The following THADA variants were observed in gnomAD, a reference collection of about 807,000 sequenced individuals.
The protein encoded by THADA is THADA armadillo repeat containing.
In THADA, 213 loss-of-function variants were observed where a neutral mutation model predicts 219.8. The observed-to-expected ratio is 0.97, with a 90% CI of 0.87 to 1.09. The LOEUF (loss-of-function observed/expected upper bound fraction) is 1.09. Ranked by LOEUF, THADA falls within the 50% of genes least tolerant of loss-of-function variation. The pLI is 0.00. For missense variants in THADA, 2,956 were observed against 2,311.3 expected, an observed-to-expected ratio of 1.28 and a Z score of -5.72; for synonymous variants, 1,018 against 828.9, an observed-to-expected ratio of 1.23 and a Z score of -3.92.
chr2:43,236,185 G>A (rs1319918711), intron 36 of THADA, among the ~76,000 whole-genome samples: 2 of 152,214 alleles, frequency 1.3e-5, no homozygotes, highest in Non-Finnish European at 1.5e-5. Flanking sequence ...AAAGGGAAGA[G>A]CTGGTGTGAT....
intron 19 of THADA, among the ~76,000 whole-genome samples, chr2:43,550,878 T>C (rs958579545): frequency 6.6e-6 from 1 of 152,240 alleles, no homozygotes; most frequent in African/African-American, 2.4e-5. Context: ...GTAATCCCAA[T>C]GCTTTAAGAG....
chr2:43,400,911 G>A (rs1674753696), intron 28 of THADA, among the ~76,000 whole-genome samples: 1 of 152,152 alleles, frequency 6.6e-6, no homozygotes, highest in East Asian at 1.9e-4. Context: ...TTGATAATAT[G>A]AAGGCAAAGA....
chr2:43,451,768 C>T (rs755331394), intron 26 of THADA, among the ~76,000 whole-genome samples: 2 of 152,152 alleles, frequency 1.3e-5, no homozygotes, highest in Non-Finnish European at 2.9e-5. Context: ...ACTAAACATG[C>T]CAACAGTTCA....
At chr2:43,386,207 T>C (rs1387082730) in intron 29 of THADA, among the ~76,000 whole-genome samples, 1 of 152,158 alleles carries the variant, frequency 6.6e-6, no homozygotes, top group African/African-American at 2.4e-5. Context: ...AGGTGAACAT[T>C]TGCAAGTACA....
chr2:43,344,915 G>A (rs1418599349), intron 29 of THADA, among the ~76,000 whole-genome samples: 1 of 152,238 alleles, frequency 6.6e-6, no homozygotes, highest in East Asian at 1.9e-4. Context: ...CAAAGCCTCT[G>A]TGAGGAGTAC....
intron 36 of THADA, among the ~76,000 whole-genome samples, chr2:43,233,605 T>C (rs528722695): frequency 1.7e-4 from 26 of 152,316 alleles, no homozygotes; most frequent in Admixed American, 6.5e-4. Context: ...TTTTTTGTTT[T>C]TGGACCCTTG....
chr2:43,352,279 A>C (rs1668361466), intron 29 of THADA, among the ~76,000 whole-genome samples: 1 of 152,146 alleles, frequency 6.6e-6, no homozygotes, highest in South Asian at 2.1e-4. Context: ...AAAATAATAC[A>C]TGGCGCAGTG....
intron 36 of THADA, among the ~76,000 whole-genome samples, chr2:43,248,187 A>AGG (rs1669426646): frequency 8.0e-6 from 1 of 125,180 alleles, no homozygotes; most frequent in Non-Finnish European, 1.6e-5. Flanking sequence ...AGAGAGAGAG[A>AGG]GAGAGAGAGA....
intron 30 of THADA, among the ~76,000 whole-genome samples, chr2:43,329,378 T>C (rs923143359): frequency 6.6e-6 from 1 of 152,204 alleles, no homozygotes; most frequent in East Asian, 1.9e-4. Context: ...ATCTTCTGGA[T>C]GCTGCCTGAG....
At chr2:43,289,949 C>A (rs114510001) in intron 34 of THADA, among the ~76,000 whole-genome samples, 44 of 148,808 alleles carry the variant, frequency 3.0e-4, no homozygotes, top group Non-Finnish European at 5.8e-4. Flanking sequence ...CTACCGTGCC[C>A]GGCCCTGGTG....
intron 29 of THADA, among the ~76,000 whole-genome samples, chr2:43,392,507 T>G (rs1318078588): frequency 6.6e-6 from 1 of 152,128 alleles, no homozygotes; most frequent in Non-Finnish European, 1.5e-5. Context: ...TTCATACAAC[T>G]AGCTGGCCGA....
intron 20 of THADA, among the ~76,000 whole-genome samples, chr2:43,542,769 C>CA (rs1238427812): frequency 1.3e-5 from 2 of 152,194 alleles, no homozygotes; most frequent in Non-Finnish European, 2.9e-5. Flanking sequence ...CCTGGGCTGT[C>CA]AAGGCAGGTT....
chr2:43,549,227 G>A lies in THADA; in HGVS notation c.3089C>T (p.Thr1030Ile), dbSNP rs772014934. The change falls in exon 20 of 38, where the codon ACT becomes ATT. Residue 1030 changes from threonine to isoleucine, a missense_variant. By Grantham distance (89) the Thr-to-Ile change is moderately conservative. Coordinates refer to ENST00000405975, the MANE Select transcript of THADA (RefSeq NM_022065.5). ...DLNASVVNIDTSTEIKGKEVK... is the reference protein window; with the variant it reads ...DLNASVVNIDISTEIKGKEVK... Reference sequence around the variant, plus strand: ...CAAGTTACCTTTGATTTCTGTAGAAGTATCAATATTCACCACACTAGCATT... The same window carrying A: ...CAAGTTACCTTTGATTTCTGTAGAAATATCAATATTCACCACACTAGCATT... 4 of 1,577,444 alleles carry A rather than the reference G, an allele frequency of 2.5e-6. No homozygotes were observed. Among genetic ancestry groups the A allele is most frequent in the Middle Eastern group, 1.7e-4 (1 of 5,984 alleles).
At position 43,549,233 on chromosome 2, in the gene THADA, A is replaced by G. The variant is rs944633421; in HGVS notation, c.3083T>C (p.Ile1028Thr). ...MKDLNASVVN[I>T]DTSTEIKGKE... is the part of the protein sequence containing the mutation. ...ACCTTTGATTTCTGTAGAAGTATCA[A>G]TATTCACCACACTAGCATTCAAGTC... The change falls in exon 20 of 38, where the codon ATT (isoleucine) becomes ACT (threonine). Residue 1028 changes from isoleucine to threonine, a missense_variant. Coordinates refer to ENST00000405975, the MANE Select transcript of THADA (RefSeq NM_022065.5). 22 of 1,582,672 alleles carry G rather than the reference A, an allele frequency of 1.4e-5. No individual in the cohort carries two copies. In the Admixed American group the frequency reaches 2.2e-4, roughly 16 times the overall value.
intron 22 of THADA, among the ~76,000 whole-genome samples, chr2:43,514,745 A>ATATAAAT (rs1180850732): frequency 1.2e-5 from 1 of 85,002 alleles, no homozygotes; most frequent in Non-Finnish European, 2.0e-5. Flanking sequence ...TATAATATAT[A>ATATAAAT]ATATTTTATA....
intron 21 of THADA, 138 bp from the exon 22 acceptor site, chr2:43,528,126 CT>C (rs367822642): frequency 0.095 from 15,404 of 162,486 alleles, 2 homozygotes; most frequent in South Asian, 0.2. Context: ...ATGTTTTAAG[CT>C]TTTTTTTTTT....
intron 29 of THADA, among the ~76,000 whole-genome samples, chr2:43,374,655 C>T (rs1671171986): frequency 6.6e-6 from 1 of 152,024 alleles, no homozygotes; most frequent in Non-Finnish European, 1.5e-5. Context: ...CTGTTGATGA[C>T]ATATAAGGAT....
In THADA at chr2:43,292,148, T is replaced by G. The variant is rs750920926; in HGVS notation, c.4893A>C (p.Pro1631=). ...PQTEHCVHLT[P]KEFLIWTMDI... ...CCATCGTCCAGATCAAGAACTCCTT[T>G]GGGGTCAGATGGACACAGTGCTCCG... Residue 1631 remains proline (P), a synonymous_variant, in exon 33 of 38, where the codon CCA becomes CCC. Coordinates refer to ENST00000405975, the MANE Select transcript of THADA (RefSeq NM_022065.5). 9.9e-6 allele frequency: 16 copies of G among 1,611,812 alleles called. No homozygotes were observed. In the South Asian group the frequency reaches 1.7e-4, roughly 17 times the overall value.
chr2:43,248,053 A>AAAAC (rs144120023), intron 36 of THADA, among the ~76,000 whole-genome samples: 15,104 of 148,482 alleles, frequency 0.1, 860 homozygotes, highest in Admixed American at 0.13. Context: ...AAAGCAAAAC[A>AAAAC]AAACAAACAA....
Sources: allele counts gnomAD v4.1 joint callset (sites outside exome capture counted in the v4.1 genomes callset), GRCh38; gene constraint gnomAD v4.1.1; transcripts MANE v1.5; gene names NCBI Gene and HGNC (gene_info 2026-07-23, HGNC 2026-07-21).